The following SARDH variants were observed in gnomAD, a reference collection of about 807,000 sequenced individuals.
SARDH encodes sarcosine dehydrogenase, mitochondrial.
Under a neutral mutation model 109.1 loss-of-function variants are expected in SARDH, and 95 were observed. The observed-to-expected ratio is 0.87, with a 90% CI of 0.74 to 1.03. The LOEUF (loss-of-function observed/expected upper bound fraction) is 1.03. Among genes scored for constraint, SARDH ranks in the 50% least tolerant of loss-of-function variants. SARDH has a pLI of 0.00. For missense variants in SARDH, 1,267 were observed against 1,287.8 expected, an observed-to-expected ratio of 0.98 and a Z score of 0.25; for synonymous variants, 572 against 534.8, an observed-to-expected ratio of 1.07 and a Z score of -0.96.
At chr9:133,662,089 C>T (rs1169587090), downstream of SARDH, among the ~76,000 whole-genome samples, 1 of 151,932 alleles carries the variant, frequency 6.6e-6, no homozygotes, top group Non-Finnish European at 1.5e-5. The surrounding 1 kb of genome is among the most constrained non-coding windows in gnomAD (Gnocchi z 5.1). Context: ...ATGCCCAGTG[C>T]CCTCCCCGAG....
Position 133,690,252 on chromosome 9 carries a change from G to A in SARDH, c.2069+128C>T. 19 of 1,015,884 alleles carry A rather than the reference G, an allele frequency of 1.9e-5. No individual in the cohort carries two copies. The South Asian group carries it at 3.2e-4, about 17-fold the overall frequency. 62.9% of individuals were successfully genotyped at this position (1,015,884 alleles called of 1,614,324 possible). Reference sequence around the variant, plus strand: ...GATATTTATTCAGAATGGCATCTCTGGTTTACCAGAGCGCTTAACTATTCA... The same window carrying A: ...GATATTTATTCAGAATGGCATCTCTAGTTTACCAGAGCGCTTAACTATTCA... On this transcript the variant is annotated intron_variant, in intron 16 of 20. Transcript: ENST00000439388.
chr9:133,686,155 C>A lies in SARDH; in HGVS notation c.2070-869G>T, dbSNP rs976513445. Among the ~76,000 whole-genome samples, 1 of 152,124 alleles carries A rather than the reference C, an allele frequency of 6.6e-6. No homozygotes were observed. Among genetic ancestry groups the A allele is most frequent in the Non-Finnish European group, 1.5e-5 (1 of 68,006 alleles). ...TTTGCACAGACTTGCTGGGTCCACC[C>A]CTGCTTTTAAGCTCTGCGAGGGTGG... is the stretch of plus-strand genomic sequence containing the variant. On this transcript the variant is annotated intron_variant, in intron 16 of 20. Transcript: ENST00000439388. This position sits in a 1 kb window ranked among gnomAD's most constrained non-coding sequence, Gnocchi z 4.0.
At chr9:133,733,676 A>C (rs1269641379) in intron 2 of SARDH, among the ~76,000 whole-genome samples, 167 bp downstream of exon 2, 1 of 152,178 alleles carries the variant, frequency 6.6e-6, no homozygotes, top group Non-Finnish European at 1.5e-5. Flanking sequence ...TGGGAGGGCA[A>C]GCAGTGCCCC....
chr9:133,710,246 G>GGT (rs1831866475), intron 10 of SARDH, among the ~76,000 whole-genome samples: 1 of 152,222 alleles, frequency 6.6e-6, no homozygotes, highest in African/African-American at 2.4e-5. Context: ...CCATTTTCCA[G>GGT]GTGGCGAAAC....
upstream of SARDH, chr9:133,739,570 C>G (rs1243154862): frequency 1.3e-5 from 2 of 152,466 alleles, no homozygotes; most frequent in South Asian, 2.1e-4. Flanking sequence ...AGGAGGGGGC[C>G]TGGGCTCTGG....
downstream of SARDH, among the ~76,000 whole-genome samples, chr9:133,660,073 C>T (rs574765284): frequency 1.3e-5 from 2 of 149,728 alleles, no homozygotes; most frequent in African/African-American, 4.9e-5. Flanking sequence ...CCTCACCCCC[C>T]ACTCACACTC....
At chr9:133,660,413 A>G (rs543796346), downstream of SARDH, among the ~76,000 whole-genome samples, 3 of 152,244 alleles carry the variant, frequency 2.0e-5, no homozygotes, top group South Asian at 4.1e-4. Flanking sequence ...CTTAGGAAAC[A>G]GGAATTTCCC....
intron 6 of SARDH, among the ~76,000 whole-genome samples, chr9:133,724,322 T>C (rs575850493): frequency 3.0e-4 from 45 of 152,292 alleles, no homozygotes; most frequent in South Asian, 1.9e-3. Flanking sequence ...AATAAAAAGA[T>C]AAGCAACCCT....
chr9:133,731,585 T>TC (rs1246545975), intron 3 of SARDH, 101 bp from the exon 4 acceptor site: 5 of 1,237,132 alleles, frequency 4.0e-6, no homozygotes, highest in Non-Finnish European at 4.6e-6. Context: ...AGCCTCACTT[T>TC]CTCCCAGAAG....
rs1289630771 is a variant in SARDH, at chr9:133,730,080, G to A, written c.798C>T (p.Cys266=). The change falls in exon 5 of 21, where the codon TGC becomes TGT. Residue 266 remains cysteine, a synonymous_variant. Transcript: ENST00000439388. ...CACTCGCACCTGCACAGTTGACCAC[G>A]CAGGGTGTCTGGATGGAACCATGCT... The part of the protein sequence containing the change: ...ETQHGSIQTP[C]VVNCAGVWAS... 12 of 1,614,072 alleles carry A rather than the reference G, an allele frequency of 7.4e-6. No individual in the cohort carries two copies. The highest frequency in any genetic ancestry group is 2.7e-5 in the African/African-American group (2 of 74,932).
intron 8 of SARDH, among the ~76,000 whole-genome samples, chr9:133,713,662 G>A (rs760228278): frequency 3.5e-4 from 54 of 152,236 alleles, no homozygotes; most frequent in Non-Finnish European, 6.0e-4. Context: ...GTCCCACTCC[G>A]GCGGCCACAG....
Position 133,692,388 on chromosome 9 carries a change from C to T in SARDH, c.1922-1861G>A, listed in dbSNP as rs1197429587. Among the ~76,000 whole-genome samples, 1 of 152,150 alleles carries T rather than the reference C, an allele frequency of 6.6e-6. No homozygotes were observed. The highest frequency in any genetic ancestry group is 1.9e-4 in the East Asian group (1 of 5,198). On this transcript the variant is annotated intron_variant, in intron 15 of 20. Coordinates refer to ENST00000439388, the MANE Select transcript of SARDH (RefSeq NM_001134707.2). This position sits in a 1 kb window ranked among gnomAD's most constrained non-coding sequence, Gnocchi z 5.0. ...CTGGGGGCTGATGCCTAGCTCCTTA[C>T]AGGCAACACTCCTCTCAGCTCAGAG...
chr9:133,720,182 T>C (rs968757867), intron 6 of SARDH, among the ~76,000 whole-genome samples: 1 of 151,944 alleles, frequency 6.6e-6, no homozygotes, highest in African/African-American at 2.4e-5. Flanking sequence ...ATCCCAGCAC[T>C]TTGGGAGGCC....
intron 17 of SARDH, among the ~76,000 whole-genome samples, chr9:133,676,624 C>T (rs968864727): frequency 1.3e-5 from 2 of 152,058 alleles, no homozygotes; most frequent in African/African-American, 2.4e-5. Flanking sequence ...GATGGGAATT[C>T]GGGGAATGTG....
At chr9:133,732,732 C>CT in intron 2 of SARDH, 131 bp from the exon 3 acceptor site, 1 of 1,012,308 alleles carries the variant, frequency 9.9e-7, no homozygotes, top group Non-Finnish European at 1.4e-6. Context: ...TCTGCAGGAC[C>CT]TGGGGGGCCT....
chr9:133,699,809 T>C (rs2131406248), intron 13 of SARDH, among the ~76,000 whole-genome samples: 1 of 152,148 alleles, frequency 6.6e-6, no homozygotes, highest in Middle Eastern at 3.4e-3. Context: ...TGGAGAACAG[T>C]TGGCGTTCCC....
At position 133,691,698 on chromosome 9, in the gene SARDH, C is replaced by T. The variant is rs76380950; in HGVS notation, c.1922-1171G>A. On this transcript the variant is annotated intron_variant, in intron 15 of 20. Coordinates refer to ENST00000439388, the MANE Select transcript of SARDH (RefSeq NM_001134707.2). The stretch of plus-strand genomic sequence containing the variant: ...TGTGTAAATCATCACATTCTCTCGG[C>T]TCCGTGGTGATCTGATGCAGCATGG... Among the ~76,000 whole-genome samples, 681 of 152,302 alleles carry T rather than the reference C, an allele frequency of 4.5e-3. 2 individuals are homozygous for T. The highest frequency in any genetic ancestry group is 0.016 in the African/African-American group (648 of 41,562).
chr9:133,705,326 ACC>A (rs1222083267), intron 11 of SARDH, among the ~76,000 whole-genome samples: 1 of 58,590 alleles, frequency 1.7e-5, no homozygotes, highest in Non-Finnish European at 3.7e-5. Flanking sequence ...TAGAATTACC[ACC>A]TGCCCCATCT....
At chr9:133,734,265 A>ACAGCC in intron 1 of SARDH, 62 bp from the exon 2 acceptor site, 1 of 1,189,442 alleles carries the variant, frequency 8.4e-7, no homozygotes. Context: ...TGTGCTGAGT[A>ACAGCC]CCCAGGGAAA....
Sources: allele counts gnomAD v4.1 joint callset (sites outside exome capture counted in the v4.1 genomes callset), GRCh38; gene constraint gnomAD v4.1.1; non-coding constraint Gnocchi (gnomAD v3.1); transcripts MANE v1.5; gene names NCBI Gene and HGNC (gene_info 2026-07-23, HGNC 2026-07-21).